Variants in DMD observed in about 807,000 individuals in gnomAD.
The protein encoded by DMD is dystrophin, also known as mutant dystrophin.
DMD carries 63 observed loss-of-function variants against 330.1 expected under a neutral mutation model. That is an observed-to-expected ratio of 0.19 (90% confidence interval 0.16 to 0.24). The LOEUF (loss-of-function observed/expected upper bound fraction) is 0.24, where lower values mean the gene tolerates loss of function less well. Ranked by LOEUF, DMD falls within the 10% of genes least tolerant of loss-of-function variation. The pLI is 1.00. For synonymous variants in DMD, 1,223 were observed against 959.8 expected (o/e 1.27, Z -5.07); for missense variants, 3,344 against 2,684.1 (o/e 1.25, Z -5.43).
At chrX:31,416,892 C>T (rs188320935) in intron 60 of DMD, among the ~76,000 whole-genome samples, 3 of 112,049 alleles carry the variant, frequency 2.7e-5, no homozygotes, top group East Asian at 2.8e-4. Context: ...TTCTGCACAA[C>T]GATTAAATAG....
intron 61 of DMD, among the ~76,000 whole-genome samples, chrX:31,330,134 T>C (rs1044365464): frequency 1.0e-4 from 11 of 108,870 alleles, no homozygotes; most frequent in Non-Finnish European, 1.7e-4. Context: ...GGTGTATACA[T>C]ATGTCCAAAC....
chrX:31,522,357 C>CTATATATATA (rs1205735701), intron 55 of DMD, among the ~76,000 whole-genome samples: 3 of 57,653 alleles, frequency 5.2e-5, no homozygotes, highest in Non-Finnish European at 8.7e-5. Context: ...CTCTCTCTCT[C>CTATATATATA]TCTCTCTATA....
At chrX:31,656,509 A>G (rs1334508542) in intron 54 of DMD, among the ~76,000 whole-genome samples, 1 of 111,573 alleles carries the variant, frequency 9.0e-6, no homozygotes, top group Non-Finnish European at 1.9e-5. Flanking sequence ...CTTAGTTTAT[A>G]TTACCTAAAC....
intron 55 of DMD, among the ~76,000 whole-genome samples, chrX:31,593,475 T>C (rs1436481936): frequency 1.8e-5 from 2 of 111,449 alleles, no homozygotes; most frequent in African/African-American, 6.5e-5. Context: ...GAATGAAACT[T>C]TACTCAATTG....
chrX:32,985,355 T>G (rs2092816408), intron 2 of DMD, among the ~76,000 whole-genome samples: 1 of 112,295 alleles, frequency 8.9e-6, no homozygotes, highest in Admixed American at 9.5e-5. Flanking sequence ...ACATAAGATG[T>G]ATTTTATCAT....
At chrX:31,263,802 G>C (rs190641373) in intron 62 of DMD, among the ~76,000 whole-genome samples, 103 of 112,940 alleles carry the variant, frequency 9.1e-4, no homozygotes, top group African/African-American at 3.2e-3. Context: ...AAAGAAGTGA[G>C]CACAAGTGGA....
intron 1 of DMD, among the ~76,000 whole-genome samples, chrX:33,235,645 AATC>A (rs1316114542): frequency 7.2e-5 from 8 of 110,691 alleles, no homozygotes; most frequent in African/African-American, 2.0e-4. Context: ...TAGATGTCAC[AATC>A]GAGTCTCAGA....
intron 2 of DMD, among the ~76,000 whole-genome samples, chrX:32,859,243 G>A (rs779322557): frequency 9.0e-6 from 1 of 110,698 alleles, no homozygotes; most frequent in South Asian, 3.9e-4. Flanking sequence ...TGAGGCAGGT[G>A]GCTCACTTAA....
chrX:32,927,736 A>G (rs992367012), intron 2 of DMD, among the ~76,000 whole-genome samples: 1 of 111,389 alleles, frequency 9.0e-6, no homozygotes, highest in Non-Finnish European at 1.9e-5. Context: ...TAATCTTTCT[A>G]AAAATTTGCT....
At chrX:32,573,205 G>C (rs979285933) in intron 15 of DMD, among the ~76,000 whole-genome samples, 1 of 111,933 alleles carries the variant, frequency 8.9e-6, no homozygotes, top group Non-Finnish European at 1.9e-5. Context: ...ATCAACGTCA[G>C]TCTATTTTTT....
intron 44 of DMD, among the ~76,000 whole-genome samples, chrX:32,001,618 A>G (rs781108024): frequency 4.5e-5 from 5 of 111,327 alleles, no homozygotes; most frequent in Non-Finnish European, 9.4e-5. Context: ...TTCAGCAAGA[A>G]AAGTGACAGC....
chrX:31,809,237 TA>T (rs1384894843), intron 50 of DMD, among the ~76,000 whole-genome samples: 1 of 106,733 alleles, frequency 9.4e-6, no homozygotes, highest in African/African-American at 3.4e-5. Context: ...ATAAAAACTA[TA>T]TAGAGATATA....
rs190435460 is a variant in DMD, at chrX:33,129,786, T to G, written c.31+81496A>C. On this transcript the variant is annotated intron_variant, in intron 1 of 78. Transcript: ENST00000357033. ...AACTAAAGAAACCTTGTAGCATGAGTATAATTAGCAGTGCTACTAAGTGAA... is the reference window on the plus strand; with the variant it reads ...AACTAAAGAAACCTTGTAGCATGAGGATAATTAGCAGTGCTACTAAGTGAA... Among the ~76,000 whole-genome samples the G allele has an allele frequency of 5.9e-4, 66 of 111,299 alleles. 1 individual carries two copies. The highest frequency in any genetic ancestry group is 1.2e-3 in the Non-Finnish European group (61 of 53,041).
rs995847034 is a variant in DMD at position 31,261,206 on chromosome X, T to G, written c.9225-190A>C. On this transcript the variant is annotated intron_variant, in intron 62 of 78. Transcript: ENST00000357033. ...CAAGCAGAAAGGCCCCTTTCTGCTT[T>G]GTTTCCAAAGAGAAAAGCAATATAA... 4 of 426,997 alleles carry G rather than the reference T, an allele frequency of 9.4e-6. No homozygotes were observed. The African/African-American group carries it at 1.0e-4, about 11-fold the overall frequency. 35.2% of individuals were successfully genotyped at this position (426,997 alleles called of 1,213,427 possible). A position where few individuals can be genotyped will look rare whatever the true frequency, so the allele number is the denominator to read the frequency against.
At chrX:32,474,484 G>A (rs978098649) in intron 21 of DMD, among the ~76,000 whole-genome samples, 6 of 111,785 alleles carry the variant, frequency 5.4e-5, no homozygotes, top group Admixed American at 1.9e-4. Context: ...CATCAGCAGT[G>A]TAGAAGTGTT....
chrX:31,411,865 C>T (rs2061660468), intron 60 of DMD, among the ~76,000 whole-genome samples: 1 of 110,087 alleles, frequency 9.1e-6, no homozygotes, highest in Non-Finnish European at 1.9e-5. Context: ...AACTCCTGAC[C>T]TCAAGTGATC....
chrX:31,830,696 C>T (rs376366026), intron 49 of DMD, among the ~76,000 whole-genome samples: 9 of 111,945 alleles, frequency 8.0e-5, no homozygotes, highest in South Asian at 3.7e-4. Context: ...AAAATTTCAG[C>T]GACAGCATTG....
At chrX:32,049,304 A>G (rs775726504) in intron 44 of DMD, among the ~76,000 whole-genome samples, 1 of 111,639 alleles carries the variant, frequency 9.0e-6, no homozygotes, top group South Asian at 3.7e-4. Flanking sequence ...ATGAGTATGG[A>G]AAGCTTTCAG....
chrX:31,673,633 G>GA (rs2081932455), intron 53 of DMD, among the ~76,000 whole-genome samples: 1 of 111,100 alleles, frequency 9.0e-6, no homozygotes, highest in South Asian at 3.8e-4. Flanking sequence ...AGAAAGAAAA[G>GA]AAAAAAGAAA....
Sources: gnomAD v4.1 joint callset for allele counts (sites outside exome capture counted in the v4.1 genomes callset) on GRCh38, gnomAD v4.1.1 for gene constraint, MANE v1.5 for transcripts, NCBI Gene and HGNC (gene_info 2026-07-23, HGNC 2026-07-21) for gene names.